TAPT1: variants seen among roughly 807,000 people sequenced by gnomAD.
TAPT1 encodes the protein transmembrane anterior posterior transformation protein 1 homolog.
In TAPT1, 28 loss-of-function variants were observed where a neutral mutation model predicts 65.6. That is an observed-to-expected ratio of 0.43 (90% confidence interval 0.32 to 0.59). The LOEUF (loss-of-function observed/expected upper bound fraction) is 0.59. Among genes scored for constraint, TAPT1 ranks in the 20% least tolerant of loss-of-function variants. The pLI, the probability that TAPT1 is intolerant of heterozygous loss-of-function variation, is 0.09. For synonymous variants in TAPT1, 278 were observed against 245.2 expected (o/e 1.13, Z -1.25); for missense variants, 563 against 679.9 (o/e 0.83, Z 1.91).
rs1749371144 is a variant in TAPT1, at chr4:16,191,518, C to T, written c.455G>A (p.Arg152Lys). ...CACCTGGGCAGGCTGAAGCAAACGTCTGTCCCTGAAACATACAAGAAGTAA... is the reference window on the plus strand; with the variant it reads ...CACCTGGGCAGGCTGAAGCAAACGTTTGTCCCTGAAACATACAAGAAGTAA... ...LTLPCYGLRD[R>K]RLLQPAQVCD... The change falls in exon 4 of 14, where the codon AGA becomes AAA. Residue 152 changes from arginine to lysine, a missense_variant. Arg to Lys is a conservative substitution (Grantham distance 26). This residue lies in a region of TAPT1 where 217 missense variants were observed against 317.5 expected (regional missense o/e 0.68). Coordinates refer to ENST00000405303, the MANE Select transcript of TAPT1 (RefSeq NM_153365.3). The T allele has an allele frequency of 6.4e-7, 1 of 1,556,274 alleles. No individual in the cohort carries two copies. Among genetic ancestry groups the T allele is most frequent in the Non-Finnish European group, 8.7e-7 (1 of 1,149,460 alleles).
At chr4:16,172,962 T>C (rs1431211115) in intron 11 of TAPT1, among the ~76,000 whole-genome samples, 1 of 151,938 alleles carries the variant, frequency 6.6e-6, no homozygotes, top group African/African-American at 2.4e-5. Flanking sequence ...TAGCTGAAAT[T>C]ACAGGCGCCT....
intron 1 of TAPT1, chr4:16,216,191 T>C (rs1361271628): frequency 6.6e-6 from 1 of 152,364 alleles, no homozygotes; most frequent in African/African-American, 2.4e-5. Context: ...CTGTCTTGAA[T>C]GGCTGATTTT....
chr4:16,207,510 T>C (rs1750418388), intron 2 of TAPT1, among the ~76,000 whole-genome samples: 1 of 152,184 alleles, frequency 6.6e-6, no homozygotes, highest in African/African-American at 2.4e-5. Context: ...AATCTTTCCA[T>C]CTACCCTCAC....
chr4:16,186,568 C>CA lies in TAPT1; in HGVS notation c.882dup (p.Glu295Ter). 1 of 1,535,030 alleles carries CA rather than the reference C, an allele frequency of 6.5e-7. No homozygotes were observed. The highest frequency in any genetic ancestry group is 8.8e-7 in the Non-Finnish European group (1 of 1,130,976). The stretch of plus-strand genomic sequence containing the variant: ...GACATTTGAAAGAGATTGTTCTTTT[C>CA]AAACTTCTTGAAAACACTTCCTTTA... On this transcript the variant is annotated frameshift_variant, in exon 7 of 14. Transcript: ENST00000405303. LOFTEE classifies it high-confidence loss of function.
At chr4:16,170,147 T>C (rs1747899462) in intron 12 of TAPT1, among the ~76,000 whole-genome samples, 1 of 152,248 alleles carries the variant, frequency 6.6e-6, no homozygotes, top group Admixed American at 6.5e-5. Context: ...CTTAATTAGT[T>C]GTTAATTTAC....
At chr4:16,208,489 G>A (rs932158784) in intron 2 of TAPT1, among the ~76,000 whole-genome samples, 2 of 152,098 alleles carry the variant, frequency 1.3e-5, no homozygotes, top group Non-Finnish European at 2.9e-5. Context: ...TTTATAAAAG[G>A]CATAGTCAAA....
chr4:16,179,248 A>C (rs1748555744), intron 8 of TAPT1: 1 of 200,274 alleles, frequency 5.0e-6, no homozygotes, highest in African/African-American at 2.3e-5. Flanking sequence ...CAAAACCTGT[A>C]CAGCACGTTA....
At chr4:16,223,217 A>G (rs2108903192) in intron 1 of TAPT1, among the ~76,000 whole-genome samples, 1 of 152,248 alleles carries the variant, frequency 6.6e-6, no homozygotes, top group East Asian at 1.9e-4. Context: ...CCTAATGCTT[A>G]GTCCAAAGTT....
rs539057696 is a variant in TAPT1, at chr4:16,162,785, T to A, written c.*523A>T. The stretch of plus-strand genomic sequence containing the variant: ...TTTTATTCTGATTAATTAAGATACA[T>A]CTTTAAGGGTTATTCTGGTGGTAAG... On this transcript the variant is annotated 3_prime_UTR_variant, in exon 14 of 14. Coordinates refer to ENST00000405303, the MANE Select transcript of TAPT1 (RefSeq NM_153365.3). The A allele has an allele frequency of 4.1e-5, 11 of 266,464 alleles. No individual in the cohort carries two copies. Among genetic ancestry groups the A allele is most frequent in the Non-Finnish European group, 8.6e-5 (11 of 128,132 alleles). The allele number at this position is 266,464 out of a possible 1,614,324, so 16.5% of individuals were successfully genotyped here.
chr4:16,202,505 G>C lies in TAPT1; in HGVS notation c.406C>G (p.Leu136Val). 1 of 1,552,394 alleles carries C rather than the reference G, an allele frequency of 6.4e-7. No homozygotes were observed. Among genetic ancestry groups the C allele is most frequent in the South Asian group, 1.2e-5 (1 of 83,978 alleles). The change falls in exon 3 of 14, where the codon CTG becomes GTG. Residue 136 changes from leucine to valine, a missense_variant. This residue lies in a region of TAPT1 where 217 missense variants were observed against 317.5 expected (regional missense o/e 0.68). Transcript: ENST00000405303. ...AAAGTGAGGAGCCTGAATAGTGCCA[G>C]GAAAACTCTTAAAGGAAGCAGGGTG... ...VFTLLPLRVF[L>V]ALFRLLTLPC... is the part of the protein sequence containing the mutation.
At chr4:16,205,792 A>G (rs1750307979) in intron 2 of TAPT1, among the ~76,000 whole-genome samples, 1 of 152,216 alleles carries the variant, frequency 6.6e-6, no homozygotes, top group Non-Finnish European at 1.5e-5. Context: ...GGATATAATC[A>G]TTATGCAAGA....
At chr4:16,215,368 T>A (rs1302288472) in intron 1 of TAPT1, among the ~76,000 whole-genome samples, 1 of 152,076 alleles carries the variant, frequency 6.6e-6, no homozygotes, top group East Asian at 1.9e-4. Flanking sequence ...TTGACTATGG[T>A]TTTAAACAAT....
At chr4:16,226,985 T>C (rs745446358), upstream of TAPT1, 4 of 450,444 alleles carry the variant, frequency 8.9e-6, no homozygotes, top group Non-Finnish European at 1.3e-5. Flanking sequence ...TTGGCACTGC[T>C]GGCGCGGCCG....
In TAPT1 at chr4:16,174,723, T is replaced by A; in HGVS notation, c.1114A>T (p.Ser372Cys). 1.9e-6 allele frequency: 3 copies of A among 1,577,778 alleles called. No homozygotes were observed. The highest frequency in any genetic ancestry group is 2.6e-6 in the Non-Finnish European group (3 of 1,162,074). ...AAAGCAAGACTGGCTCTATATTCACTGTAGACCTAAAAACAAACAAGAATG... is the reference window on the plus strand; with the variant it reads ...AAAGCAAGACTGGCTCTATATTCACAGTAGACCTAAAAACAAACAAGAATG... ...KFNDITADVY[S>C]EYRASLAFDL... The change falls in exon 10 of 14, where the codon AGT becomes TGT. Residue 372 changes from serine (S) to cysteine (C), a missense_variant. Physicochemically the swap from Ser to Cys is moderately radical, Grantham distance 112. Around this residue, in one of 5 missense-constraint regions of TAPT1, gnomAD observed 104 missense variants for 102.5 expected, o/e 1.01. Coordinates refer to ENST00000405303, the MANE Select transcript of TAPT1 (RefSeq NM_153365.3).
rs779717886 is a variant in TAPT1, at chr4:16,161,688, T to G, written c.*1620A>C. 4.6e-5 allele frequency: 7 copies of G among 152,282 alleles called. No homozygotes were observed. Among genetic ancestry groups the G allele is most frequent in the Non-Finnish European group, 8.8e-5 (6 of 68,052 alleles). The allele number at this position is 152,282 out of a possible 1,614,324, so 9.4% of individuals were successfully genotyped here. On this transcript the variant is annotated 3_prime_UTR_variant, in exon 14 of 14. Transcript: ENST00000405303. ...AATACTTCCTGGTTTCACAAAGGCA[T>G]GTCCATACAATTTCCTCAACATTAA...
At chr4:16,169,145 A>G (rs1163763670) in intron 12 of TAPT1, among the ~76,000 whole-genome samples, 2 of 152,248 alleles carry the variant, frequency 1.3e-5, no homozygotes, top group Non-Finnish European at 2.9e-5. Flanking sequence ...TGAATAAAGT[A>G]GAAAGGTGAG....
At chr4:16,167,081 G>A (rs1442857829) in intron 12 of TAPT1, among the ~76,000 whole-genome samples, 5 of 135,274 alleles carry the variant, frequency 3.7e-5, no homozygotes, top group African/African-American at 1.4e-4. Context: ...TGCAACCTCC[G>A]CCTCCTGGGT....
chr4:16,222,137 A>G (rs549830166), intron 1 of TAPT1, among the ~76,000 whole-genome samples: 1 of 152,386 alleles, frequency 6.6e-6, no homozygotes, highest in South Asian at 2.1e-4. Context: ...TCAATGCTAT[A>G]TAGGCTTTCC....
intron 3 of TAPT1, among the ~76,000 whole-genome samples, chr4:16,196,457 C>T (rs1578452481): frequency 6.6e-6 from 1 of 152,264 alleles, no homozygotes; most frequent in East Asian, 1.9e-4. Context: ...TAGGTGAAAT[C>T]ACAGTCAAAT....
Sources: allele counts gnomAD v4.1 joint callset (sites outside exome capture counted in the v4.1 genomes callset), GRCh38; gene constraint gnomAD v4.1.1; regional missense constraint gnomAD v4.1.1; transcripts MANE v1.5; gene names NCBI Gene and HGNC (gene_info 2026-07-23, HGNC 2026-07-21).